Variants in DAAM2 observed in about 807,000 individuals in gnomAD.
The protein encoded by DAAM2 is disheveled-associated activator of morphogenesis 2.
Under a neutral mutation model 120.7 loss-of-function variants are expected in DAAM2, and 39 were observed. The ratio of observed to expected loss-of-function variants is 0.32; its 90% CI spans 0.25 to 0.42. The LOEUF (loss-of-function observed/expected upper bound fraction) is 0.42. DAAM2 is among the 10% of genes least tolerant of loss of function. The pLI is 1.00. For missense variants in DAAM2, 1,283 were observed against 1,401.7 expected, an observed-to-expected ratio of 0.92 and a Z score of 1.35; for synonymous variants, 488 against 524.9, an observed-to-expected ratio of 0.93 and a Z score of 0.96.
chr6:39,794,347 C>G (rs1171093690), intron 1 of DAAM2, among the ~76,000 whole-genome samples: 1 of 152,204 alleles, frequency 6.6e-6, no homozygotes, highest in South Asian at 2.1e-4. Flanking sequence ...TTCCTTTATG[C>G]AAACAACTGT....
At chr6:39,843,221 C>T (rs923366924) in intron 1 of DAAM2, among the ~76,000 whole-genome samples, 25 of 152,038 alleles carry the variant, frequency 1.6e-4, no homozygotes, top group African/African-American at 5.6e-4. Flanking sequence ...TGTCCCTGCC[C>T]TCTAGGAATT....
intron 1 of DAAM2, among the ~76,000 whole-genome samples, chr6:39,815,978 G>T (rs1044075799): frequency 1.1e-4 from 16 of 152,184 alleles, no homozygotes; most frequent in African/African-American, 3.6e-4. Flanking sequence ...AACTTCTAAA[G>T]AATGGACCTT....
In DAAM2 at chr6:39,897,294, C is replaced by T. The variant is rs1460150310; in HGVS notation, c.2618+12C>T. On this transcript the variant is annotated intron_variant, in intron 21 of 24. Coordinates refer to ENST00000274867, the MANE Select transcript of DAAM2 (RefSeq NM_001201427.2). Reference sequence around the variant, plus strand: ...GCTGCCAAAGTCAAGTGAGGGTTCTCTCCAAGACTTCCTTCTCCCCATGAT... The same window carrying T: ...GCTGCCAAAGTCAAGTGAGGGTTCTTTCCAAGACTTCCTTCTCCCCATGAT... 6.6e-7 allele frequency: 1 copy of T among 1,512,256 alleles called. No homozygotes were observed. The highest frequency in any genetic ancestry group is 1.4e-5 in the African/African-American group (1 of 72,606). The allele number at this position is 1,512,256 out of a possible 1,614,324, so 93.7% of individuals were successfully genotyped here.
At chr6:39,795,459 A>T (rs1761672381) in intron 1 of DAAM2, among the ~76,000 whole-genome samples, 1 of 152,220 alleles carries the variant, frequency 6.6e-6, no homozygotes, top group South Asian at 2.1e-4. Flanking sequence ...CCTGGGCTAC[A>T]TGACTTATTC....
chr6:39,799,117 G>C (rs533419345), intron 1 of DAAM2, among the ~76,000 whole-genome samples: 2 of 152,064 alleles, frequency 1.3e-5, no homozygotes, highest in South Asian at 4.2e-4. Flanking sequence ...CCAGTTTATC[G>C]ACTATGTGGA....
At chr6:39,858,602 G>GT (rs1469252356) in intron 2 of DAAM2, among the ~76,000 whole-genome samples, 1 of 152,162 alleles carries the variant, frequency 6.6e-6, no homozygotes, top group Admixed American at 6.5e-5. Flanking sequence ...CTGTACATCA[G>GT]TTTCCTTATC....
rs573074231 is a variant in DAAM2 at position 39,866,615 on chromosome 6, G to T, written c.429-895G>T. On this transcript the variant is annotated intron_variant, in intron 5 of 24. Coordinates refer to ENST00000274867, the MANE Select transcript of DAAM2 (RefSeq NM_001201427.2). ...TGATGTTTTAAATAATAGATAAAAA[G>T]ATAGGCATAACAAATCAATGAAAAT... 5.9e-5 allele frequency among the ~76,000 whole-genome samples: 9 copies of T among 152,322 alleles called. No homozygotes were observed. In the South Asian group the frequency reaches 1.9e-3, roughly 32 times the overall value.
At chr6:39,800,572 C>T (rs1761831872) in intron 1 of DAAM2, among the ~76,000 whole-genome samples, 1 of 152,174 alleles carries the variant, frequency 6.6e-6, no homozygotes, top group African/African-American at 2.4e-5. Context: ...GCTCTCTGAC[C>T]CCTTTGAGGA....
intron 1 of DAAM2, among the ~76,000 whole-genome samples, chr6:39,845,279 AC>A (rs1460914520): frequency 3.0e-5 from 1 of 33,236 alleles, no homozygotes; most frequent in Admixed American, 3.5e-4. Context: ...ACATACACAA[AC>A]CCCATCTATA....
chr6:39,872,420 T>G (rs1336203105), intron 9 of DAAM2, among the ~76,000 whole-genome samples: 1 of 152,170 alleles, frequency 6.6e-6, no homozygotes, highest in African/African-American at 2.4e-5. Context: ...GGGAGCAAGT[T>G]ATTGCATGTG....
intron 1 of DAAM2, among the ~76,000 whole-genome samples, chr6:39,794,811 T>C (rs546704296): frequency 1.2e-4 from 18 of 152,184 alleles, no homozygotes; most frequent in Non-Finnish European, 1.6e-4. Context: ...TCTTATTTGA[T>C]TTTACTAGAG....
rs1323506825 is a variant in DAAM2 at position 39,816,045 on chromosome 6, A to G, written c.-57+23580A>G. ...CATAGGGAGAAGAGTAGCAATGAAGATTTATTTTTCCTACTGACATGAACT... is the reference window on the plus strand; with the variant it reads ...CATAGGGAGAAGAGTAGCAATGAAGGTTTATTTTTCCTACTGACATGAACT... On this transcript the variant is annotated intron_variant, in intron 1 of 24. Coordinates refer to ENST00000274867, the MANE Select transcript of DAAM2 (RefSeq NM_001201427.2). Among the ~76,000 whole-genome samples the G allele has an allele frequency of 4.6e-5, 7 of 152,334 alleles. No homozygotes were observed. The East Asian group carries it at 1.2e-3, about 25-fold the overall frequency.
intron 1 of DAAM2, among the ~76,000 whole-genome samples, chr6:39,795,871 G>A (rs1159132479): frequency 6.6e-6 from 1 of 152,164 alleles, no homozygotes; most frequent in South Asian, 2.1e-4. Context: ...GTGCTCTTTA[G>A]GGAGGGAGAA....
At chr6:39,839,178 C>T (rs1164013415) in intron 1 of DAAM2, among the ~76,000 whole-genome samples, 1 of 151,948 alleles carries the variant, frequency 6.6e-6, no homozygotes, top group Non-Finnish European at 1.5e-5. Context: ...GGGATCCGCT[C>T]ATAACTTTGG....
chr6:39,900,799 T>C (rs1048562458), intron 23 of DAAM2, among the ~76,000 whole-genome samples: 4 of 152,162 alleles, frequency 2.6e-5, no homozygotes, highest in African/African-American at 9.7e-5. Context: ...GAATTAACAA[T>C]GGTAGCTCTC....
chr6:39,810,284 A>G (rs1344776722), intron 1 of DAAM2, among the ~76,000 whole-genome samples: 1 of 152,244 alleles, frequency 6.6e-6, no homozygotes, highest in Non-Finnish European at 1.5e-5. Flanking sequence ...TAGGTGAACA[A>G]TGAGCATCAT....
chr6:39,879,735 C>G, intron 14 of DAAM2: 2 of 583,552 alleles, frequency 3.4e-6, no homozygotes, highest in Non-Finnish European at 6.2e-6. Context: ...TTGTGTTTGC[C>G]CAGGGTTAAT....
At chr6:39,851,742 C>A (rs1355485114) in intron 1 of DAAM2, among the ~76,000 whole-genome samples, 1 of 152,172 alleles carries the variant, frequency 6.6e-6, no homozygotes, top group African/African-American at 2.4e-5. Flanking sequence ...CCTTGGGAAG[C>A]CTTTGGGAAT....
Position 39,878,176 on chromosome 6 carries a change from T to A in DAAM2, c.1302-27T>A. On this transcript the variant is annotated intron_variant, in intron 11 of 24. Transcript: ENST00000274867. The surrounding 1 kb of genome is among the most constrained non-coding windows in gnomAD (Gnocchi z 5.0). ...TGTGAATCAATGGTCAACAATCACA[T>A]TGCCCCTTCCCTCTATGCCCTGCCA... The A allele has an allele frequency of 6.2e-7, 1 of 1,612,688 alleles. No individual in the cohort carries two copies.
Sources: allele counts gnomAD v4.1 joint callset (sites outside exome capture counted in the v4.1 genomes callset), GRCh38; gene constraint gnomAD v4.1.1; non-coding constraint Gnocchi (gnomAD v3.1); transcripts MANE v1.5; gene names NCBI Gene and HGNC (gene_info 2026-07-23, HGNC 2026-07-21).